The following CUX2 variants were observed in gnomAD, a reference collection of about 807,000 sequenced individuals.
CUX2 encodes homeobox protein cut-like 2.
CUX2 carries 40 observed loss-of-function variants against 144.8 expected under a neutral mutation model. The ratio of observed to expected loss-of-function variants is 0.28; its 90% confidence interval spans 0.21 to 0.36. The LOEUF is 0.36. Among genes scored for constraint, CUX2 ranks in the 10% least tolerant of loss-of-function variants. The probability of loss-of-function intolerance (pLI) is 1.00; values close to 1 mark genes in which losing one functional copy is unlikely to be tolerated. For synonymous variants in CUX2, 827 were observed against 875.6 expected, an observed-to-expected ratio of 0.94 and a Z score of 0.98; for missense variants, 1,615 against 1,994.0, an observed-to-expected ratio of 0.81 and a Z score of 3.62.
chr12:111,215,825 G>A (rs1451874675), intron 2 of CUX2, among the ~76,000 whole-genome samples: 3 of 152,188 alleles, frequency 2.0e-5, no homozygotes, highest in Non-Finnish European at 4.4e-5. Context: ...TTTCTTCTGA[G>A]GCCATGTGGG....
At chr12:111,092,220 C>T (rs1383675570) in intron 1 of CUX2, among the ~76,000 whole-genome samples, 2 of 152,128 alleles carry the variant, frequency 1.3e-5, no homozygotes, top group Non-Finnish European at 2.9e-5. Context: ...AGAGGGTGTG[C>T]GAATGTCTCC....
intron 1 of CUX2, among the ~76,000 whole-genome samples, chr12:111,141,957 G>T (rs1207286296): frequency 6.6e-6 from 1 of 152,154 alleles, no homozygotes; most frequent in Non-Finnish European, 1.5e-5. Flanking sequence ...GGTGGTGTGT[G>T]CCTGTAATCC....
intron 1 of CUX2, among the ~76,000 whole-genome samples, chr12:111,046,012 G>C (rs760197578): frequency 6.6e-6 from 1 of 152,148 alleles, no homozygotes; most frequent in African/African-American, 2.4e-5. Context: ...CTAGAGATTC[G>C]TTTGCAGTAT....
intron 3 of CUX2, among the ~76,000 whole-genome samples, chr12:111,262,913 A>G (rs117666572): frequency 0.017 from 2,555 of 152,334 alleles, 26 homozygotes; most frequent in South Asian, 0.022. Context: ...AAGAAGAATA[A>G]CAGGTGTCAC....
At chr12:111,140,550 C>T (rs1592933292) in intron 1 of CUX2, among the ~76,000 whole-genome samples, 1 of 152,176 alleles carries the variant, frequency 6.6e-6, no homozygotes, top group Non-Finnish European at 1.5e-5. Flanking sequence ...GGTGCATCCT[C>T]CTCTTTTATA....
intron 1 of CUX2, among the ~76,000 whole-genome samples, chr12:111,154,289 G>A (rs1308116355): frequency 6.6e-6 from 1 of 152,126 alleles, no homozygotes; most frequent in African/African-American, 2.4e-5. Flanking sequence ...TGATGCAAAA[G>A]TCAGATGTGC....
intron 4 of CUX2, among the ~76,000 whole-genome samples, chr12:111,290,697 G>A (rs1462514150): frequency 6.6e-6 from 1 of 152,168 alleles, no homozygotes; most frequent in Non-Finnish European, 1.5e-5. Context: ...AAAGTACTGA[G>A]ATTACAGGCA....
intron 1 of CUX2, among the ~76,000 whole-genome samples, chr12:111,106,902 ATG>A (rs1351659117): frequency 6.6e-6 from 1 of 152,194 alleles, no homozygotes; most frequent in Non-Finnish European, 1.5e-5. Context: ...AGAGGCAAGG[ATG>A]TAGTGGAAGA....
intron 1 of CUX2, among the ~76,000 whole-genome samples, chr12:111,070,294 T>C (rs968030292): frequency 2.0e-5 from 3 of 152,108 alleles, no homozygotes; most frequent in Admixed American, 1.3e-4. Context: ...AAACCGTTGT[T>C]AACACTATCT....
At chr12:111,249,806 A>T (rs961982283) in intron 3 of CUX2, among the ~76,000 whole-genome samples, 3 of 152,030 alleles carry the variant, frequency 2.0e-5, no homozygotes, top group African/African-American at 7.2e-5. Context: ...AGAGAATTTG[A>T]GCAGAAAGTA....
intron 1 of CUX2, among the ~76,000 whole-genome samples, chr12:111,134,540 G>A (rs903222308): frequency 4.0e-5 from 6 of 151,554 alleles, no homozygotes; most frequent in African/African-American, 1.5e-4. Flanking sequence ...AACCACTCCT[G>A]GTGCCAAAAT....
chr12:111,201,873 A>G (rs1565845411), intron 1 of CUX2, among the ~76,000 whole-genome samples: 1 of 152,250 alleles, frequency 6.6e-6, no homozygotes, highest in East Asian at 1.9e-4. Flanking sequence ...AGAGTGGACC[A>G]GAGTTCAAAG....
At chr12:111,098,375 G>A (rs1367749446) in intron 1 of CUX2, among the ~76,000 whole-genome samples, 5 of 150,920 alleles carry the variant, frequency 3.3e-5, no homozygotes, top group African/African-American at 1.2e-4. Context: ...ACTCCAGCCT[G>A]AGCGACAGAG....
chr12:111,146,007 G>A lies in CUX2; in HGVS notation c.64-68193G>A, dbSNP rs983535223. Among the ~76,000 whole-genome samples the A allele has an allele frequency of 2.0e-5, 3 of 152,076 alleles. No individual in the cohort carries two copies. In the South Asian group the frequency reaches 6.2e-4, roughly 32 times the overall value. On this transcript the variant is annotated intron_variant, in intron 1 of 21. Coordinates refer to ENST00000261726, the MANE Select transcript of CUX2 (RefSeq NM_015267.4). Reference sequence around the variant, plus strand: ...GGTGTGAGCCACCACACCCGGCCCTGGCTATTTATTTTTAAACAAACTTTG... The same window carrying A: ...GGTGTGAGCCACCACACCCGGCCCTAGCTATTTATTTTTAAACAAACTTTG...
intron 1 of CUX2, among the ~76,000 whole-genome samples, chr12:111,090,747 G>A (rs887513958): frequency 6.6e-6 from 1 of 151,898 alleles, no homozygotes; most frequent in Non-Finnish European, 1.5e-5. Flanking sequence ...AGAGATACAA[G>A]CTCCATCATT....
At chr12:111,189,012 A>G (rs1237925005) in intron 1 of CUX2, among the ~76,000 whole-genome samples, 1 of 152,184 alleles carries the variant, frequency 6.6e-6, no homozygotes, top group Non-Finnish European at 1.5e-5. Flanking sequence ...GACCAGGCAC[A>G]GTGGCTCACA....
intron 1 of CUX2, among the ~76,000 whole-genome samples, chr12:111,065,049 C>G (rs1030853582): frequency 6.6e-6 from 1 of 152,194 alleles, no homozygotes; most frequent in African/African-American, 2.4e-5. Context: ...GCCTGTTGAT[C>G]TATGGTAGAC....
At chr12:111,107,120 A>G (rs1235349389) in intron 1 of CUX2, among the ~76,000 whole-genome samples, 1 of 152,176 alleles carries the variant, frequency 6.6e-6, no homozygotes, top group African/African-American at 2.4e-5. Flanking sequence ...TTCTGTCCCC[A>G]TTTTACAGGT....
At chr12:111,147,950 A>G (rs202129767) in intron 1 of CUX2, among the ~76,000 whole-genome samples, 22 of 152,188 alleles carry the variant, frequency 1.4e-4, no homozygotes, top group Admixed American at 1.4e-3. Flanking sequence ...ACTGCTTCCA[A>G]TACAATGCTG....
Sources: allele counts gnomAD v4.1 joint callset (sites outside exome capture counted in the v4.1 genomes callset), GRCh38; gene constraint gnomAD v4.1.1; transcripts MANE v1.5; gene names NCBI Gene and HGNC (gene_info 2026-07-23, HGNC 2026-07-21).